Variants in MCF2L2 observed in about 807,000 individuals in gnomAD.
MCF2L2 encodes probable guanine nucleotide exchange factor MCF2L2.
A neutral mutation model predicts 150.2 loss-of-function variants in MCF2L2; 102 were observed. The observed-to-expected ratio is 0.68, with a 90% CI of 0.58 to 0.80. The LOEUF is 0.80. Among genes scored for constraint, MCF2L2 ranks in the 30% least tolerant of loss-of-function variants. The probability of loss-of-function intolerance (pLI) is 0.00; values close to 1 mark genes in which losing one functional copy is unlikely to be tolerated. For synonymous variants in MCF2L2, 465 were observed against 491.3 expected (o/e 0.95, Z 0.71); for missense variants, 1,256 against 1,372.8 (o/e 0.91, Z 1.34).
At chr3:183,198,449 G>A (rs938748576) in intron 25 of MCF2L2, among the ~76,000 whole-genome samples, 2 of 152,146 alleles carry the variant, frequency 1.3e-5, no homozygotes, top group Non-Finnish European at 2.9e-5. Context: ...GCAGGAGAAA[G>A]GGAATGCAAA....
At chr3:183,213,817 C>G (rs895960697) in intron 22 of MCF2L2, among the ~76,000 whole-genome samples, 8 of 152,296 alleles carry the variant, frequency 5.3e-5, no homozygotes, top group South Asian at 2.1e-4. Context: ...ATTCCAATAT[C>G]TACTCCTCCA....
rs192500023 is a variant in MCF2L2 at position 183,343,059 on chromosome 3, T to C, written c.276-1429A>G. 3.2e-3 allele frequency among the ~76,000 whole-genome samples: 480 copies of C among 152,162 alleles called. 3 individuals carry two copies. The highest frequency in any genetic ancestry group is 0.01 in the African/African-American group (421 of 41,514). On this transcript the variant is annotated intron_variant, in intron 3 of 29. Transcript: ENST00000328913. The stretch of plus-strand genomic sequence containing the variant: ...GTGAAATAAGGACATTTCCAGACAA[T>C]AGAGGTGAGAGAATGTATTGTCATT...
chr3:183,362,776 C>T (rs1385483194), intron 3 of MCF2L2, among the ~76,000 whole-genome samples: 1 of 151,792 alleles, frequency 6.6e-6, no homozygotes, highest in Non-Finnish European at 1.5e-5. Flanking sequence ...CAATTAAACG[C>T]AAGATGCAAG....
intron 15 of MCF2L2, 171 bp downstream of exon 15, chr3:183,276,701 T>C (rs1727171016): frequency 2.1e-6 from 1 of 476,816 alleles, no homozygotes; most frequent in East Asian, 3.4e-5. Flanking sequence ...CTTGTTGCTT[T>C]TGTGGGATCC....
chr3:183,314,674 C>T (rs1208318449), intron 7 of MCF2L2, among the ~76,000 whole-genome samples: 1 of 151,714 alleles, frequency 6.6e-6, no homozygotes, highest in Non-Finnish European at 1.5e-5. Flanking sequence ...ATATCACACG[C>T]TACAACTTTT....
chr3:183,300,303 T>C (rs1301174601), intron 10 of MCF2L2, 107 bp from the exon 11 acceptor site: 2 of 988,528 alleles, frequency 2.0e-6, no homozygotes, highest in South Asian at 1.9e-5. Context: ...GTGGAGATGC[T>C]AACCCAGGAT....
At chr3:183,223,464 TAAAGC>T in intron 19 of MCF2L2, 26 bp from the exon 20 acceptor site, 1 of 1,545,228 alleles carries the variant, frequency 6.5e-7, no homozygotes, top group Non-Finnish European at 8.9e-7. Flanking sequence ...AGAAACAACA[TAAAGC>T]AAAACAAACA....
rs1207405838 is a variant in MCF2L2 at position 183,178,781 on chromosome 3, A to G, written c.*599T>C. ...GAACGAACTCTCTCTACAACGAAGC[A>G]ATCTTGGCACTAACACGAACACCCC... On this transcript the variant is annotated 3_prime_UTR_variant, in exon 30 of 30. Coordinates refer to ENST00000328913, the MANE Select transcript of MCF2L2 (RefSeq NM_015078.4). The G allele has an allele frequency of 6.6e-6, 1 of 152,282 alleles. No individual in the cohort carries two copies. The highest frequency in any genetic ancestry group is 1.5e-5 in the Non-Finnish European group (1 of 68,070). 9.4% of individuals were successfully genotyped at this position (152,282 alleles called of 1,614,324 possible). A position where few individuals can be genotyped will look rare whatever the true frequency, so the allele number is the denominator to read the frequency against.
chr3:183,188,215 G>T (rs1721763391), intron 27 of MCF2L2, among the ~76,000 whole-genome samples: 1 of 152,178 alleles, frequency 6.6e-6, no homozygotes, highest in South Asian at 2.1e-4. Flanking sequence ...AGGGAATGAT[G>T]ACAAAGCACA....
At chr3:183,329,008 TA>T (rs1182785686) in intron 5 of MCF2L2, among the ~76,000 whole-genome samples, 2 of 152,234 alleles carry the variant, frequency 1.3e-5, no homozygotes, top group African/African-American at 2.4e-5. Flanking sequence ...AATGACTAAT[TA>T]AAAAAATACC....
intron 15 of MCF2L2, among the ~76,000 whole-genome samples, chr3:183,261,210 C>T (rs1230399386): frequency 6.6e-6 from 1 of 152,160 alleles, no homozygotes; most frequent in East Asian, 1.9e-4. Context: ...CTAGGAAGAT[C>T]AAATTATAGC....
At chr3:183,348,177 T>TA (rs1249561525) in intron 3 of MCF2L2, among the ~76,000 whole-genome samples, 1 of 151,824 alleles carries the variant, frequency 6.6e-6, no homozygotes, top group Non-Finnish European at 1.5e-5. Flanking sequence ...ATAGACTGGA[T>TA]AAAAAAAATG....
chr3:183,275,753 A>G (rs1727125470), intron 15 of MCF2L2, among the ~76,000 whole-genome samples: 1 of 152,260 alleles, frequency 6.6e-6, no homozygotes, highest in Middle Eastern at 3.4e-3. Context: ...AACTGAGACT[A>G]CAGGTGCACC....
chr3:183,216,373 C>CT (rs1560346936), intron 21 of MCF2L2, among the ~76,000 whole-genome samples: 2 of 145,980 alleles, frequency 1.4e-5, no homozygotes, highest in Non-Finnish European at 3.0e-5. Context: ...ACATAAGAAA[C>CT]ATATAGAATT....
At chr3:183,343,182 A>C (rs1367773404) in intron 3 of MCF2L2, among the ~76,000 whole-genome samples, 1 of 152,100 alleles carries the variant, frequency 6.6e-6, no homozygotes, top group Non-Finnish European at 1.5e-5. Flanking sequence ...AAAAGCTCAT[A>C]TTTTTCCTTA....
intron 7 of MCF2L2, among the ~76,000 whole-genome samples, chr3:183,312,362 A>C (rs1729418023): frequency 6.6e-6 from 1 of 152,198 alleles, no homozygotes; most frequent in Non-Finnish European, 1.5e-5. Context: ...ACAGAGACTT[A>C]GTACTATGCA....
chr3:183,300,930 G>A (rs144941145), intron 10 of MCF2L2, among the ~76,000 whole-genome samples: 1,990 of 147,474 alleles, frequency 0.013, 44 homozygotes, highest in African/African-American at 0.046. Flanking sequence ...CAGGAGAATC[G>A]CTTGAACCCG....
chr3:183,305,510 G>A lies in MCF2L2; in HGVS notation c.1113+4206C>T, dbSNP rs1217569299. Among the ~76,000 whole-genome samples the A allele has an allele frequency of 1.3e-5, 2 of 152,200 alleles. No homozygotes were observed. Among genetic ancestry groups the A allele is most frequent in the Non-Finnish European group, 2.9e-5 (2 of 68,040 alleles). On this transcript the variant is annotated intron_variant, in intron 10 of 29. Coordinates refer to ENST00000328913, the MANE Select transcript of MCF2L2 (RefSeq NM_015078.4). This position sits in a 1 kb window ranked among gnomAD's most constrained non-coding sequence, Gnocchi z 4.1. ...AAGACATTTGAGATGTTAGAGGGAA[G>A]ATGTGTGTAACAGGTCCAAATGGGT...
In MCF2L2 at chr3:183,297,045, C is replaced by T; in HGVS notation, c.1428G>A (p.Lys476=). Residue 476 remains lysine, a synonymous_variant, in exon 12 of 30, where the codon AAG becomes AAA. Coordinates refer to ENST00000328913, the MANE Select transcript of MCF2L2 (RefSeq NM_015078.4). ...NDIATFLGTV[K]EYPLLSPKEF... ...CCTTGGGGCTGAGCAACGGGTACTC[C>T]TTGACTGTGCCCAGGAATGTCGCAA... 6.2e-7 allele frequency: 1 copy of T among 1,614,168 alleles called. No individual in the cohort carries two copies. Among genetic ancestry groups the T allele is most frequent in the Non-Finnish European group, 8.5e-7 (1 of 1,180,026 alleles).
Sources: gnomAD v4.1 joint callset for allele counts (sites outside exome capture counted in the v4.1 genomes callset) on GRCh38, gnomAD v4.1.1 for gene constraint, Gnocchi (gnomAD v3.1) non-coding constraint, MANE v1.5 for transcripts, NCBI Gene and HGNC (gene_info 2026-07-23, HGNC 2026-07-21) for gene names.